PARD3B: variants seen among roughly 807,000 people sequenced by gnomAD.
The protein encoded by PARD3B is partitioning defective 3 homolog B.
A neutral mutation model predicts 130.2 loss-of-function variants in PARD3B; 103 were observed. That is an observed-to-expected ratio of 0.79 (90% CI 0.67 to 0.93). PARD3B has a LOEUF of 0.93. PARD3B is among the 40% of genes least tolerant of loss of function. The probability of loss-of-function intolerance (pLI) is 0.00; values close to 1 mark genes in which losing one functional copy is unlikely to be tolerated. For missense variants in PARD3B, 1,609 were observed against 1,499.2 expected, an observed-to-expected ratio of 1.07 and a Z score of -1.21; for synonymous variants, 583 against 553.2, an observed-to-expected ratio of 1.05 and a Z score of -0.76.
At chr2:205,598,552 T>C (rs915500965) in intron 22 of PARD3B, among the ~76,000 whole-genome samples, 4 of 152,134 alleles carry the variant, frequency 2.6e-5, no homozygotes, top group African/African-American at 9.7e-5. Context: ...CATTAGTTGT[T>C]TGCTATTGAG....
At chr2:205,455,327 T>G (rs1278162396) in intron 20 of PARD3B, among the ~76,000 whole-genome samples, 2 of 152,066 alleles carry the variant, frequency 1.3e-5, no homozygotes, top group African/African-American at 4.8e-5. Flanking sequence ...AAGAACAGAT[T>G]CCAAAGGACA....
intron 15 of PARD3B, among the ~76,000 whole-genome samples, chr2:205,226,967 T>C (rs1179649303): frequency 1.3e-5 from 2 of 152,224 alleles, no homozygotes; most frequent in African/African-American, 2.4e-5. Flanking sequence ...AATTTCCATG[T>C]GTTTATATTT....
intron 4 of PARD3B, among the ~76,000 whole-genome samples, chr2:205,053,063 C>T (rs1241313016): frequency 7.9e-5 from 12 of 152,098 alleles, no homozygotes. Flanking sequence ...AGTGAGAGTG[C>T]ATTTTTACAG....
chr2:205,342,808 T>C (rs935579142), intron 18 of PARD3B, among the ~76,000 whole-genome samples: 55 of 152,150 alleles, frequency 3.6e-4, no homozygotes, highest in African/African-American at 1.3e-3. Flanking sequence ...GGTGTCAACA[T>C]TTTTTTCTCA....
chr2:205,240,980 A>C (rs965079588), intron 15 of PARD3B, among the ~76,000 whole-genome samples: 3 of 152,260 alleles, frequency 2.0e-5, no homozygotes, highest in Middle Eastern at 6.8e-3. Flanking sequence ...CATCTTTTTC[A>C]TAGATTTTTT....
intron 20 of PARD3B, among the ~76,000 whole-genome samples, chr2:205,447,522 T>A (rs888352694): frequency 6.6e-6 from 1 of 152,146 alleles, no homozygotes. Context: ...GGATTACCCA[T>A]GTGTACCACC....
At chr2:205,472,456 C>T (rs2048868817) in intron 20 of PARD3B, among the ~76,000 whole-genome samples, 1 of 151,952 alleles carries the variant, frequency 6.6e-6, no homozygotes, top group Non-Finnish European at 1.5e-5. Context: ...GGCCATCATA[C>T]TGAGTTTTAT....
intron 1 of PARD3B, among the ~76,000 whole-genome samples, chr2:204,644,220 A>G (rs1376947849): frequency 6.6e-6 from 1 of 152,064 alleles, no homozygotes; most frequent in Non-Finnish European, 1.5e-5. Context: ...GCTTCCTGTT[A>G]TGTTTTCATG....
chr2:205,014,654 G>A (rs1695984016), intron 3 of PARD3B, among the ~76,000 whole-genome samples: 1 of 152,190 alleles, frequency 6.6e-6, no homozygotes. Context: ...CATCTCTTCT[G>A]TGTTGAGCAC....
rs1024579802 is a variant in PARD3B, at chr2:205,176,320, G to A, written c.1792-125G>A. The stretch of plus-strand genomic sequence containing the variant: ...AGGGCCATTTTGAGTTTCCACAGTT[G>A]AGGACTTAAGTGTAATAGACTCTTG... On this transcript the variant is annotated intron_variant, in intron 12 of 22. Transcript: ENST00000406610. The surrounding 1 kb of genome is among the most constrained non-coding windows in gnomAD (Gnocchi z 5.3). 2.3e-5 allele frequency: 21 copies of A among 927,302 alleles called. No homozygotes were observed. Among genetic ancestry groups the A allele is most frequent in the Admixed American group, 1.1e-4 (3 of 27,874 alleles). The allele number at this position is 927,302 out of a possible 1,614,324, so 57.4% of individuals were successfully genotyped here. A position where few individuals can be genotyped will look rare whatever the true frequency, so the allele number is the denominator to read the frequency against.
intron 18 of PARD3B, among the ~76,000 whole-genome samples, chr2:205,342,958 A>G (rs1156433818): frequency 6.6e-6 from 1 of 152,150 alleles, no homozygotes; most frequent in Non-Finnish European, 1.5e-5. Flanking sequence ...TTTGTCCTCA[A>G]AAGCTTTTAC....
At chr2:204,832,793 C>A (rs2043877383) in intron 2 of PARD3B, among the ~76,000 whole-genome samples, 1 of 152,080 alleles carries the variant, frequency 6.6e-6, no homozygotes, top group Admixed American at 6.5e-5. Flanking sequence ...TAGTGCATTT[C>A]CTATTCAACG....
intron 20 of PARD3B, among the ~76,000 whole-genome samples, chr2:205,489,083 A>G (rs1335593686): frequency 6.6e-6 from 1 of 152,198 alleles, no homozygotes; most frequent in Non-Finnish European, 1.5e-5. Flanking sequence ...AGAAAGGGAT[A>G]ATATTGCTGC....
At chr2:205,611,895 A>G (rs1397750064) in intron 22 of PARD3B, among the ~76,000 whole-genome samples, 1 of 152,144 alleles carries the variant, frequency 6.6e-6, no homozygotes, top group South Asian at 2.1e-4. Flanking sequence ...TGTTATGCGG[A>G]TTCTTGTTTT....
intron 18 of PARD3B, among the ~76,000 whole-genome samples, chr2:205,327,105 A>G (rs1191100415): frequency 6.6e-6 from 1 of 152,190 alleles, no homozygotes; most frequent in Non-Finnish European, 1.5e-5. Flanking sequence ...TTTTATTTAA[A>G]GATCTTCAGC....
At chr2:204,735,510 A>G (rs1214477472) in intron 2 of PARD3B, among the ~76,000 whole-genome samples, 1 of 152,156 alleles carries the variant, frequency 6.6e-6, no homozygotes, top group Admixed American at 6.5e-5. Context: ...AATTGACTGG[A>G]CTCTTCAAAA....
At chr2:205,010,878 C>T (rs1040925064) in intron 3 of PARD3B, among the ~76,000 whole-genome samples, 1 of 152,172 alleles carries the variant, frequency 6.6e-6, no homozygotes, top group East Asian at 1.9e-4. Context: ...TTAATATCAG[C>T]ACTTAAATCC....
rs2054161580 is a variant in PARD3B at position 205,585,433 on chromosome 2, A to T, written c.3261-30023A>T. Among the ~76,000 whole-genome samples the T allele has an allele frequency of 6.6e-6, 1 of 152,174 alleles. No individual in the cohort carries two copies. Among genetic ancestry groups the T allele is most frequent in the African/African-American group, 2.4e-5 (1 of 41,448 alleles). ...GTAAATAGTAGTTTTTAAAGGGTTA[A>T]TCCAACCTAATGAATCATTTAATGG... On this transcript the variant is annotated intron_variant, in intron 22 of 22. Transcript: ENST00000406610. This position sits in a 1 kb window ranked among gnomAD's most constrained non-coding sequence, Gnocchi z 5.4.
intron 22 of PARD3B, among the ~76,000 whole-genome samples, chr2:205,580,335 C>A (rs1346084859): frequency 1.3e-5 from 2 of 152,090 alleles, no homozygotes; most frequent in Non-Finnish European, 2.9e-5. Flanking sequence ...GCAGAGGGCC[C>A]CTGGAAGGTC....
Sources: allele counts gnomAD v4.1 joint callset (sites outside exome capture counted in the v4.1 genomes callset), GRCh38; gene constraint gnomAD v4.1.1; non-coding constraint Gnocchi (gnomAD v3.1); transcripts MANE v1.5; gene names NCBI Gene and HGNC (gene_info 2026-07-23, HGNC 2026-07-21).